The following HOOK3 variants were observed in gnomAD, a reference collection of about 807,000 sequenced individuals.
HOOK3 encodes hook microtubule tethering protein 3, also known as protein Hook homolog 3.
In HOOK3, 24 loss-of-function variants were observed where a neutral mutation model predicts 116.3. The observed-to-expected ratio is 0.21, with a 90% CI of 0.15 to 0.29. The LOEUF (loss-of-function observed/expected upper bound fraction) is 0.29. HOOK3 is among the 10% of genes least tolerant of loss of function. The pLI, the probability that HOOK3 is intolerant of heterozygous loss-of-function variation, is 1.00. For missense variants in HOOK3, 632 were observed against 830.2 expected, an observed-to-expected ratio of 0.76 and a Z score of 2.93; for synonymous variants, 275 against 283.0, an observed-to-expected ratio of 0.97 and a Z score of 0.28.
At chr8:42,956,725 C>T (rs1224072219) in intron 6 of HOOK3, among the ~76,000 whole-genome samples, 1 of 152,196 alleles carries the variant, frequency 6.6e-6, no homozygotes, top group Non-Finnish European at 1.5e-5. Flanking sequence ...GCTACGATTA[C>T]AGGCAGGCGC....
intron 13 of HOOK3, among the ~76,000 whole-genome samples, chr8:42,977,179 G>A (rs940752915): frequency 6.6e-6 from 1 of 152,164 alleles, no homozygotes; most frequent in East Asian, 1.9e-4. Context: ...AGATCATACA[G>A]TCCTCAAGAA....
At chr8:42,914,649 C>T (rs777625031) in intron 2 of HOOK3, among the ~76,000 whole-genome samples, 3 of 152,142 alleles carry the variant, frequency 2.0e-5, no homozygotes, top group African/African-American at 4.8e-5. Context: ...TTTTTAGTTC[C>T]TTGGCCCTTC....
At position 43,013,310 on chromosome 8, in the gene HOOK3, TGC is replaced by T; in HGVS notation, c.1945-18_1945-17del. 7.0e-7 allele frequency: 1 copy of T among 1,429,876 alleles called. No individual in the cohort carries two copies. The highest frequency in any genetic ancestry group is 1.3e-5 in the South Asian group (1 of 75,208). 88.6% of individuals were successfully genotyped at this position (1,429,876 alleles called of 1,614,324 possible). ...TTTTATATCTTTACATATTTACATG[TGC>T]TTTTTTTTTTTTTTAGAAAGAATAT... On this transcript the variant is annotated splice_polypyrimidine_tract_variant and intron_variant, in intron 20 of 21. Transcript: ENST00000307602.
chr8:42,987,923 T>G (rs1209210643), intron 15 of HOOK3, among the ~76,000 whole-genome samples: 1 of 152,188 alleles, frequency 6.6e-6, no homozygotes, highest in Non-Finnish European at 1.5e-5. Context: ...AATAGCTTCA[T>G]AGCTCACCTG....
chr8:42,982,660 A>G lies in HOOK3; in HGVS notation c.1355A>G (p.Asp452Gly). ...LMPLGSQESS[D>G]SLAAEIVTPE... ...CCTCTTGGAAGTCAGGAGTCTTCAG[A>G]CAGTCTAGCTGCAGAGATTGTTACA... Residue 452 changes from aspartate (D) to glycine (G), a missense_variant, in exon 14 of 22, where the codon GAC becomes GGC. By Grantham distance (94) the Asp-to-Gly change is moderately conservative. Transcript: ENST00000307602. 1.2e-6 allele frequency: 2 copies of G among 1,612,844 alleles called. No individual in the cohort carries two copies. Among genetic ancestry groups the G allele is most frequent in the Non-Finnish European group, 1.7e-6 (2 of 1,178,932 alleles).
At chr8:42,940,447 G>C (rs1029823284) in intron 4 of HOOK3, among the ~76,000 whole-genome samples, 4 of 152,232 alleles carry the variant, frequency 2.6e-5, no homozygotes, top group African/African-American at 7.2e-5. Flanking sequence ...GTCCAGCCTC[G>C]GCTCGGCATC....
intron 17 of HOOK3, among the ~76,000 whole-genome samples, chr8:43,003,575 A>G (rs1809417269): frequency 6.6e-6 from 1 of 152,232 alleles, no homozygotes; most frequent in Non-Finnish European, 1.5e-5. Flanking sequence ...ATTAGTGAAG[A>G]TGGAGCCTGT....
chr8:42,917,686 G>A (rs986714254), intron 2 of HOOK3, among the ~76,000 whole-genome samples: 2 of 152,160 alleles, frequency 1.3e-5, no homozygotes, highest in African/African-American at 2.4e-5. Flanking sequence ...GCCTCCAAGT[G>A]CCATTGGTTT....
At position 43,021,043 on chromosome 8, in the gene HOOK3, A is replaced by G. The variant is rs1038496706; in HGVS notation, c.*2545A>G. On this transcript the variant is annotated 3_prime_UTR_variant, in exon 22 of 22. Coordinates refer to ENST00000307602, the MANE Select transcript of HOOK3 (RefSeq NM_032410.4). ...CTTGAACCTGGGAGACAGAGATTGCAGTGAGCCGAGATGGCGCCATTGCAC... is the reference window on the plus strand; with the variant it reads ...CTTGAACCTGGGAGACAGAGATTGCGGTGAGCCGAGATGGCGCCATTGCAC... The G allele has an allele frequency of 6.8e-6, 1 of 146,506 alleles. No individual in the cohort carries two copies. The highest frequency in any genetic ancestry group is 1.4e-5 in the Non-Finnish European group (1 of 70,420). 9.1% of individuals were successfully genotyped at this position (146,506 alleles called of 1,614,324 possible).
At chr8:42,977,892 A>C (rs1259089773) in intron 13 of HOOK3, among the ~76,000 whole-genome samples, 1 of 152,060 alleles carries the variant, frequency 6.6e-6, no homozygotes, top group Non-Finnish European at 1.5e-5. Context: ...CAAACAAAAA[A>C]CAAAAACACT....
At chr8:42,948,887 T>C (rs1315581393) in intron 5 of HOOK3, among the ~76,000 whole-genome samples, 1 of 152,256 alleles carries the variant, frequency 6.6e-6, no homozygotes, top group East Asian at 1.9e-4. Flanking sequence ...AGTTGTGTTA[T>C]GTATATTTGT....
chr8:43,008,500 G>A (rs1362509627), intron 18 of HOOK3, among the ~76,000 whole-genome samples: 1 of 151,644 alleles, frequency 6.6e-6, no homozygotes, highest in Non-Finnish European at 1.5e-5. Flanking sequence ...ATAATTTTTT[G>A]TAGAGACGGG....
intron 8 of HOOK3, among the ~76,000 whole-genome samples, chr8:42,959,574 C>T (rs1808498381): frequency 6.6e-6 from 1 of 151,618 alleles, no homozygotes; most frequent in East Asian, 1.9e-4. Flanking sequence ...AAAAAATTAG[C>T]CGGGTGTGAT....
At chr8:43,017,279 C>T (rs868844663) in intron 21 of HOOK3, among the ~76,000 whole-genome samples, 1 of 152,064 alleles carries the variant, frequency 6.6e-6, no homozygotes. Flanking sequence ...TTGTTGTTAT[C>T]GTTTTTGAGC....
chr8:42,897,259 C>A, intron 1 of HOOK3, 71 bp downstream of exon 1: 1 of 1,092,342 alleles, frequency 9.2e-7, no homozygotes, highest in Non-Finnish European at 1.2e-6. Context: ...CCACGCGCGG[C>A]CCGTGGGGCG....
chr8:42,937,668 AG>A (rs200896434), intron 4 of HOOK3, among the ~76,000 whole-genome samples: 3,650 of 152,252 alleles, frequency 0.024, 142 homozygotes, highest in African/African-American at 0.081. Flanking sequence ...ATTCAGGAGC[AG>A]GTTGTTCAGT....
intron 2 of HOOK3, among the ~76,000 whole-genome samples, chr8:42,924,496 G>T (rs1807725090): frequency 6.6e-6 from 1 of 151,958 alleles, no homozygotes; most frequent in Admixed American, 6.6e-5. Flanking sequence ...AACAGCAATG[G>T]TGTTCAGATG....
intron 15 of HOOK3, 42 bp from the exon 16 acceptor site, chr8:42,997,508 G>C (rs1180006919): frequency 7.8e-7 from 1 of 1,277,052 alleles, no homozygotes; most frequent in African/African-American, 1.5e-5. Context: ...AAAGGCATAC[G>C]TAACTCACCA....
At chr8:42,961,636 G>A (rs1026357567) in intron 8 of HOOK3, among the ~76,000 whole-genome samples, 4 of 152,184 alleles carry the variant, frequency 2.6e-5, no homozygotes, top group African/African-American at 9.6e-5. Context: ...AAATAATTGT[G>A]TAACATTATT....
Sources: allele counts gnomAD v4.1 joint callset (sites outside exome capture counted in the v4.1 genomes callset), GRCh38; gene constraint gnomAD v4.1.1; transcripts MANE v1.5; gene names NCBI Gene and HGNC (gene_info 2026-07-23, HGNC 2026-07-21).